SNTG1: variants seen among roughly 807,000 people sequenced by gnomAD.
The protein encoded by SNTG1 is syntrophin gamma 1.
Under a neutral mutation model 74.7 loss-of-function variants are expected in SNTG1, and 39 were observed. That is an observed-to-expected ratio of 0.52 (90% CI 0.40 to 0.68). The LOEUF is 0.68. Ranked by LOEUF, SNTG1 falls within the 30% of genes least tolerant of loss-of-function variation. SNTG1 has a pLI of 0.00. For synonymous variants in SNTG1, 254 were observed against 217.1 expected (o/e 1.17, Z -1.49); for missense variants, 685 against 609.5 (o/e 1.12, Z -1.30).
intron 9 of SNTG1, among the ~76,000 whole-genome samples, chr8:50,514,147 T>G (rs1429941118): frequency 6.6e-6 from 1 of 152,224 alleles, no homozygotes; most frequent in African/African-American, 2.4e-5. Context: ...GTTGATCTTT[T>G]CAATAAACCA....
intron 16 of SNTG1, chr8:50,707,830 T>C: frequency 2.7e-6 from 1 of 372,172 alleles, no homozygotes; most frequent in Admixed American, 4.6e-5. Context: ...CAATACATCA[T>C]GTCGTATATA....
rs376161662 is a variant in SNTG1 at position 50,542,204 on chromosome 8, T to G, written c.680+5396T>G. Among the ~76,000 whole-genome samples, 18 of 150,330 alleles carry G rather than the reference T, an allele frequency of 1.2e-4. No individual in the cohort carries two copies. In the East Asian group the frequency reaches 3.1e-3, roughly 26 times the overall value. On this transcript the variant is annotated intron_variant, in intron 11 of 18. Coordinates refer to ENST00000642720, the MANE Select transcript of SNTG1 (RefSeq NM_018967.5). Reference sequence around the variant, plus strand: ...GGAGTTTCACTCTTGTTCCCCAAGCTGGAGTGCAATGGTGTGTTCATGGCT... The same window carrying G: ...GGAGTTTCACTCTTGTTCCCCAAGCGGGAGTGCAATGGTGTGTTCATGGCT...
Position 50,792,991 on chromosome 8 carries a change from C to T in SNTG1, c.*162C>T. On this transcript the variant is annotated 3_prime_UTR_variant, in exon 19 of 19. Transcript: ENST00000642720. ...GTCATGTGGAACCTCAAAAACACTTCTATTCTGGATGACATCTGTGAAATA... is the reference window on the plus strand; with the variant it reads ...GTCATGTGGAACCTCAAAAACACTTTTATTCTGGATGACATCTGTGAAATA... 1.6e-6 allele frequency: 1 copy of T among 617,154 alleles called. No individual in the cohort carries two copies. The highest frequency in any genetic ancestry group is 2.6e-6 in the Non-Finnish European group (1 of 385,028). 38.2% of individuals were successfully genotyped at this position (617,154 alleles called of 1,614,324 possible). A position where few individuals can be genotyped will look rare whatever the true frequency, so the allele number is the denominator to read the frequency against.
chr8:50,369,039 C>T (rs1358852843), intron 2 of SNTG1, among the ~76,000 whole-genome samples: 3 of 152,010 alleles, frequency 2.0e-5, no homozygotes, highest in East Asian at 3.9e-4. Context: ...GGCCTTTAAC[C>T]TTTAGAGTTA....
At chr8:50,326,379 C>T (rs1221529607) in intron 2 of SNTG1, among the ~76,000 whole-genome samples, 1 of 151,958 alleles carries the variant, frequency 6.6e-6, no homozygotes. Flanking sequence ...AGATATAGGA[C>T]TATTCAGAAT....
chr8:50,351,639 A>G (rs1255219679), intron 2 of SNTG1, among the ~76,000 whole-genome samples: 1 of 152,238 alleles, frequency 6.6e-6, no homozygotes, highest in Non-Finnish European at 1.5e-5. Flanking sequence ...AGAAAATAGT[A>G]AAAATAAGAA....
intron 18 of SNTG1, among the ~76,000 whole-genome samples, chr8:50,771,054 A>T (rs2095625918): frequency 6.6e-6 from 1 of 152,084 alleles, no homozygotes; most frequent in African/African-American, 2.4e-5. Flanking sequence ...GGACTAAGAA[A>T]ATTGGCATGC....
intron 1 of SNTG1, among the ~76,000 whole-genome samples, chr8:50,108,271 A>G (rs956610014): frequency 2.0e-5 from 3 of 152,232 alleles, no homozygotes; most frequent in Non-Finnish European, 4.4e-5. Flanking sequence ...GTTATTTATT[A>G]GACTTGACAT....
At chr8:50,135,938 G>T (rs2081460095) in intron 1 of SNTG1, among the ~76,000 whole-genome samples, 1 of 152,034 alleles carries the variant, frequency 6.6e-6, no homozygotes, top group African/African-American at 2.4e-5. Context: ...ACTGTCTGTT[G>T]TTCTCTTCTT....
At chr8:50,756,096 G>C (rs2095579715) in intron 18 of SNTG1, among the ~76,000 whole-genome samples, 1 of 148,606 alleles carries the variant, frequency 6.7e-6, no homozygotes, top group Non-Finnish European at 1.5e-5. Flanking sequence ...TTCTTAATTG[G>C]AATTTTTGTT....
intron 1 of SNTG1, among the ~76,000 whole-genome samples, chr8:50,169,407 G>A (rs1469455761): frequency 2.0e-5 from 3 of 152,124 alleles, no homozygotes; most frequent in Non-Finnish European, 2.9e-5. Flanking sequence ...ACTGGAGTAG[G>A]AGCAATTCTG....
intron 4 of SNTG1, among the ~76,000 whole-genome samples, chr8:50,404,827 C>G (rs999834377): frequency 6.6e-6 from 1 of 152,046 alleles, no homozygotes; most frequent in Non-Finnish European, 1.5e-5. Context: ...CTCCTCTTAA[C>G]CCCTGGTAAC....
chr8:50,765,883 A>G (rs1001324377), intron 18 of SNTG1, among the ~76,000 whole-genome samples: 2 of 152,000 alleles, frequency 1.3e-5, no homozygotes, highest in Admixed American at 1.3e-4. Flanking sequence ...CCTAGATTTC[A>G]CCTTATTTTT....
chr8:50,665,622 A>G (rs1160007458), intron 15 of SNTG1, among the ~76,000 whole-genome samples: 5 of 152,278 alleles, frequency 3.3e-5, no homozygotes, highest in Admixed American at 3.3e-4. Context: ...AGATGAGGCT[A>G]AGTCATATTA....
intron 3 of SNTG1, among the ~76,000 whole-genome samples, chr8:50,397,201 A>G (rs554334574): frequency 1.3e-5 from 2 of 152,220 alleles, no homozygotes; most frequent in Non-Finnish European, 2.9e-5. Flanking sequence ...TACAGTATCT[A>G]TATCACATGC....
intron 1 of SNTG1, among the ~76,000 whole-genome samples, chr8:49,977,512 A>G (rs1812301765): frequency 2.0e-5 from 3 of 152,176 alleles, no homozygotes. Flanking sequence ...CATTATTTTT[A>G]TCTTCCAAGA....
chr8:50,400,587 TA>T (rs2092790502), intron 3 of SNTG1, among the ~76,000 whole-genome samples: 1 of 152,208 alleles, frequency 6.6e-6, no homozygotes, highest in African/African-American at 2.4e-5. Context: ...CTGTTTTCTT[TA>T]AGGGATATAC....
chr8:50,654,838 T>A (rs990736674), intron 13 of SNTG1, among the ~76,000 whole-genome samples: 1 of 152,166 alleles, frequency 6.6e-6, no homozygotes, highest in Admixed American at 6.6e-5. Flanking sequence ...CTTGATGACT[T>A]CTGCCTTAAC....
intron 1 of SNTG1, among the ~76,000 whole-genome samples, chr8:50,165,397 G>A (rs1282257829): frequency 6.6e-6 from 1 of 152,158 alleles, no homozygotes; most frequent in Non-Finnish European, 1.5e-5. Flanking sequence ...ATTTATTCAA[G>A]CAAGAATCAG....
Sources: gnomAD v4.1 joint callset for allele counts (sites outside exome capture counted in the v4.1 genomes callset) on GRCh38, gnomAD v4.1.1 for gene constraint, MANE v1.5 for transcripts, NCBI Gene and HGNC (gene_info 2026-07-23, HGNC 2026-07-21) for gene names.